The following TES variants were observed in gnomAD, a reference collection of about 807,000 sequenced individuals.
TES encodes testin.
TES carries 41 observed loss-of-function variants against 48.2 expected under a neutral mutation model. The observed-to-expected ratio is 0.85, with a 90% CI of 0.66 to 1.10. TES has a LOEUF of 1.10. Ranked by LOEUF, TES falls within the 50% of genes least tolerant of loss-of-function variation. TES has a pLI of 0.00. For synonymous variants in TES, 162 were observed against 174.9 expected (o/e 0.93, Z 0.58); for missense variants, 463 against 515.1 (o/e 0.90, Z 0.98).
At chr7:116,219,531 C>T (rs1343178264) in intron 1 of TES, among the ~76,000 whole-genome samples, 1 of 152,112 alleles carries the variant, frequency 6.6e-6, no homozygotes, top group Non-Finnish European at 1.5e-5. Context: ...AGGTTTTCAT[C>T]CTTCTTAGAT....
At chr7:116,221,112 A>G (rs891533802) in intron 1 of TES, among the ~76,000 whole-genome samples, 1 of 152,182 alleles carries the variant, frequency 6.6e-6, no homozygotes, top group Non-Finnish European at 1.5e-5. Context: ...GATATATTAA[A>G]TTACTGGATT....
chr7:116,215,750 C>T (rs1361580818), intron 1 of TES, among the ~76,000 whole-genome samples: 1 of 152,046 alleles, frequency 6.6e-6, no homozygotes, highest in Admixed American at 6.6e-5. Flanking sequence ...GGTCTTTTCT[C>T]GTGTTGAGCT....
chr7:116,224,225 C>A (rs1050042936), intron 1 of TES, among the ~76,000 whole-genome samples: 1 of 152,184 alleles, frequency 6.6e-6, no homozygotes, highest in African/African-American at 2.4e-5. Flanking sequence ...AGACCGTAAA[C>A]CTGCCCATCT....
chr7:116,225,705 T>C (rs1799613706), intron 1 of TES, among the ~76,000 whole-genome samples: 2 of 152,238 alleles, frequency 1.3e-5, no homozygotes, highest in African/African-American at 4.8e-5. Context: ...TAAATAGTTT[T>C]ATTCCTGTTT....
At position 116,258,662 on chromosome 7, in the gene TES, A is replaced by T. The variant is rs1800142133; in HGVS notation, c.*1180A>T. On this transcript the variant is annotated 3_prime_UTR_variant, in exon 7 of 7. Coordinates refer to ENST00000358204, the MANE Select transcript of TES (RefSeq NM_015641.4). Reference sequence around the variant, plus strand: ...CAAATGTCTTCACTTGTATATTTTCATGGCTAGGTATTTCTAATGTTTATT... The same window carrying T: ...CAAATGTCTTCACTTGTATATTTTCTTGGCTAGGTATTTCTAATGTTTATT... The T allele has an allele frequency of 6.6e-6, 1 of 152,508 alleles. No homozygotes were observed. Among genetic ancestry groups the T allele is most frequent in the Admixed American group, 6.5e-5 (1 of 15,268 alleles). The allele number at this position is 152,508 out of a possible 1,614,324, so 9.4% of individuals were successfully genotyped here. A position where few individuals can be genotyped will look rare whatever the true frequency, so the allele number is the denominator to read the frequency against.
chr7:116,217,927 A>G (rs558680761), intron 1 of TES: 9 of 510,528 alleles, frequency 1.8e-5, no homozygotes, highest in African/African-American at 1.7e-4. Context: ...AAGGATATGC[A>G]TGACTATAAT....
chr7:116,217,494 T>G (rs147599905), intron 1 of TES, among the ~76,000 whole-genome samples: 198 of 152,246 alleles, frequency 1.3e-3, no homozygotes, highest in African/African-American at 4.5e-3. Flanking sequence ...ACCAAAATTA[T>G]GATTTTAAAA....
intron 2 of TES, among the ~76,000 whole-genome samples, chr7:116,240,817 C>A (rs1799836656): frequency 6.6e-6 from 1 of 152,104 alleles, no homozygotes; most frequent in Non-Finnish European, 1.5e-5. Flanking sequence ...GATTTATATA[C>A]TCTCTTAAAA....
intron 2 of TES, among the ~76,000 whole-genome samples, chr7:116,241,205 G>C (rs1360174111): frequency 1.3e-5 from 2 of 152,128 alleles, no homozygotes; most frequent in Non-Finnish European, 2.9e-5. Context: ...AAATGACTTT[G>C]AAAGTTTTTA....
At chr7:116,219,133 C>T (rs999780064) in intron 1 of TES, among the ~76,000 whole-genome samples, 20 of 152,100 alleles carry the variant, frequency 1.3e-4, no homozygotes, top group African/African-American at 3.6e-4. Flanking sequence ...ATCAAGGAAA[C>T]ACCTCCTATA....
intron 1 of TES, among the ~76,000 whole-genome samples, chr7:116,222,149 G>T (rs1018023659): frequency 6.6e-6 from 1 of 152,126 alleles, no homozygotes; most frequent in Admixed American, 6.6e-5. Context: ...TGAGGACCTG[G>T]CAGTAGGGTT....
intron 2 of TES, chr7:116,243,939 A>G (rs1057311246): frequency 1.3e-5 from 2 of 152,224 alleles, no homozygotes; most frequent in African/African-American, 4.8e-5. Context: ...AGAAGTGCCT[A>G]GCAAAAGGGA....
At chr7:116,251,565 C>A in intron 4 of TES, 195 bp from the exon 5 acceptor site, 1 of 559,068 alleles carries the variant, frequency 1.8e-6, no homozygotes. Context: ...CGCCTGTAGT[C>A]CCAGCTACTC....
At chr7:116,218,696 GA>G (rs947830819) in intron 1 of TES, among the ~76,000 whole-genome samples, 2 of 152,014 alleles carry the variant, frequency 1.3e-5, no homozygotes, top group African/African-American at 4.8e-5. Context: ...ACCTTTGATA[GA>G]TTTTTTTTTA....
In TES at chr7:116,249,164, G is replaced by A. The variant is rs372536787; in HGVS notation, c.258G>A (p.Met86Ile). ...AACTAAAGTCAGATGGAATTCCCAT[G>A]TATAAACGCAATGTTATGATATTGA... is the stretch of plus-strand genomic sequence containing the variant. Reference protein sequence around the residue: ...IAKLKSDGIPMYKRNVMILTN... With the variant: ...IAKLKSDGIPIYKRNVMILTN... The change falls in exon 3 of 7, where the codon ATG becomes ATA. Residue 86 changes from methionine (M) to isoleucine (I), a missense_variant. Transcript: ENST00000358204. The A allele has an allele frequency of 2.5e-6, 4 of 1,614,106 alleles. No homozygotes were observed. The highest frequency in any genetic ancestry group is 3.4e-6 in the Non-Finnish European group (4 of 1,179,986).
chr7:116,217,181 G>A (rs1433850927), intron 1 of TES, among the ~76,000 whole-genome samples: 1 of 152,140 alleles, frequency 6.6e-6, no homozygotes, highest in Non-Finnish European at 1.5e-5. Flanking sequence ...CAGACAGTGA[G>A]CAATTTTGAT....
intron 6 of TES, among the ~76,000 whole-genome samples, chr7:116,254,718 T>C (rs906672029): frequency 6.7e-6 from 1 of 148,292 alleles, no homozygotes; most frequent in East Asian, 2.0e-4. Flanking sequence ...GCCCAGGTGA[T>C]TGATAGTGCG....
At chr7:116,227,087 ATTTT>A (rs1799630502) in intron 1 of TES, among the ~76,000 whole-genome samples, 1 of 141,288 alleles carries the variant, frequency 7.1e-6, no homozygotes, top group African/African-American at 2.6e-5. Flanking sequence ...TACACTTTTT[ATTTT>A]ATTTATTTAT....
chr7:116,249,454 A>C, intron 3 of TES, 182 bp downstream of exon 3: 1 of 711,948 alleles, frequency 1.4e-6, no homozygotes. Flanking sequence ...TACTTCATAA[A>C]ATTTTTCCAA....
Sources: allele counts gnomAD v4.1 joint callset (sites outside exome capture counted in the v4.1 genomes callset), GRCh38; gene constraint gnomAD v4.1.1; transcripts MANE v1.5; gene names NCBI Gene and HGNC (gene_info 2026-07-23, HGNC 2026-07-21).